The following MYO3B variants were observed in gnomAD, a reference collection of about 807,000 sequenced individuals.
The protein encoded by MYO3B is myosin-IIIb.
MYO3B carries 156 observed loss-of-function variants against 174.6 expected under a neutral mutation model. That is an observed-to-expected ratio of 0.89 (90% CI 0.78 to 1.02). MYO3B has a LOEUF of 1.02. Among genes scored for constraint, MYO3B ranks in the 50% least tolerant of loss-of-function variants. The pLI is 0.00. For missense variants in MYO3B, 1,632 were observed against 1,639.4 expected (o/e 1.00, Z 0.08); for synonymous variants, 563 against 569.1 (o/e 0.99, Z 0.15).
chr2:170,620,831 T>C (rs1695849971), intron 32 of MYO3B, among the ~76,000 whole-genome samples: 1 of 152,248 alleles, frequency 6.6e-6, no homozygotes, highest in African/African-American at 2.4e-5. Flanking sequence ...GAAGCGACTC[T>C]GTCCTCTGCA....
intron 32 of MYO3B, among the ~76,000 whole-genome samples, chr2:170,624,614 T>C (rs1261912342): frequency 6.6e-6 from 1 of 151,948 alleles, no homozygotes; most frequent in Admixed American, 6.6e-5. Context: ...TGGATAGGAG[T>C]GGTGAGAGAG....
At chr2:170,356,925 G>A (rs2094126280) in intron 8 of MYO3B, among the ~76,000 whole-genome samples, 1 of 151,962 alleles carries the variant, frequency 6.6e-6, no homozygotes, top group East Asian at 1.9e-4. Flanking sequence ...CCATAGGTAT[G>A]CACCACCACG....
chr2:170,341,931 G>A (rs548975531), intron 8 of MYO3B, among the ~76,000 whole-genome samples: 2 of 152,128 alleles, frequency 1.3e-5, no homozygotes, highest in Non-Finnish European at 2.9e-5. Flanking sequence ...TTCTCATAGT[G>A]TAAACCAGGA....
At chr2:170,368,122 G>T (rs10930423) in intron 8 of MYO3B, among the ~76,000 whole-genome samples, 63 of 152,214 alleles carry the variant, frequency 4.1e-4, no homozygotes, top group Admixed American at 7.2e-4. Flanking sequence ...CAAGAACTCT[G>T]CTTAAGTGTT....
At chr2:170,367,732 T>G (rs1260493595) in intron 8 of MYO3B, among the ~76,000 whole-genome samples, 2 of 152,196 alleles carry the variant, frequency 1.3e-5, no homozygotes, top group East Asian at 3.8e-4. Context: ...AAGGGAAGAT[T>G]GCTGATGTAA....
intron 1 of MYO3B, among the ~76,000 whole-genome samples, chr2:170,187,170 C>T (rs915626022): frequency 6.6e-6 from 1 of 151,822 alleles, no homozygotes; most frequent in Non-Finnish European, 1.5e-5. Flanking sequence ...CTGCTCTGAT[C>T]TTTATTATTT....
At chr2:170,618,126 T>C (rs1001345881) in intron 32 of MYO3B, among the ~76,000 whole-genome samples, 1 of 152,154 alleles carries the variant, frequency 6.6e-6, no homozygotes, top group African/African-American at 2.4e-5. Flanking sequence ...GGTGGATACC[T>C]AAAACCTAAA....
chr2:170,512,484 G>A (rs547644804), intron 28 of MYO3B, among the ~76,000 whole-genome samples: 2 of 152,200 alleles, frequency 1.3e-5, no homozygotes, highest in Non-Finnish European at 2.9e-5. Context: ...GCCAGATACA[G>A]TGGGTGCCCT....
At chr2:170,505,422 C>T (rs914515070) in intron 28 of MYO3B, among the ~76,000 whole-genome samples, 28 of 152,044 alleles carry the variant, frequency 1.8e-4, no homozygotes, top group African/African-American at 3.4e-4. Flanking sequence ...TGTTAAAATC[C>T]GAAAAAAATT....
chr2:170,404,791 C>G (rs983070878), intron 20 of MYO3B, among the ~76,000 whole-genome samples: 3 of 152,190 alleles, frequency 2.0e-5, no homozygotes, highest in Non-Finnish European at 4.4e-5. Context: ...TTTCCAGTCT[C>G]CTGACTTCCA....
At chr2:170,593,367 TGCTGGGGTTGCAG>T (rs1316810374) in intron 32 of MYO3B, among the ~76,000 whole-genome samples, 1 of 152,206 alleles carries the variant, frequency 6.6e-6, no homozygotes, top group Non-Finnish European at 1.5e-5. Flanking sequence ...CTTTCCAAAG[TGCTGGGGTTGCAG>T]GCATGAGCCA....
chr2:170,453,176 G>T (rs1683697250), intron 23 of MYO3B, among the ~76,000 whole-genome samples: 2 of 151,992 alleles, frequency 1.3e-5, no homozygotes, highest in African/African-American at 4.8e-5. Context: ...TGGTTTCAGG[G>T]GCCTGCAGCA....
intron 6 of MYO3B, among the ~76,000 whole-genome samples, chr2:170,219,876 T>C (rs372737884): frequency 6.6e-4 from 101 of 152,310 alleles, no homozygotes; most frequent in African/African-American, 2.4e-3. Context: ...CTAGAGCAAA[T>C]TGGTATTTTC....
chr2:170,529,006 T>C (rs981896221), intron 30 of MYO3B, among the ~76,000 whole-genome samples: 1 of 152,256 alleles, frequency 6.6e-6, no homozygotes, highest in African/African-American at 2.4e-5. Context: ...ATAAACTTCA[T>C]CTAAAACTGA....
At chr2:170,465,336 C>T (rs1480129627) in intron 24 of MYO3B, among the ~76,000 whole-genome samples, 1 of 152,048 alleles carries the variant, frequency 6.6e-6, no homozygotes, top group East Asian at 1.9e-4. Flanking sequence ...GGAGAGAGAA[C>T]AAGATAGAGG....
chr2:170,635,354 T>A (rs1255205381), intron 32 of MYO3B, among the ~76,000 whole-genome samples: 2 of 151,970 alleles, frequency 1.3e-5, no homozygotes, highest in Admixed American at 1.3e-4. Flanking sequence ...GAGCAAACTA[T>A]CTCAAGGACA....
chr2:170,637,247 C>T (rs1697584319), intron 32 of MYO3B, among the ~76,000 whole-genome samples: 1 of 148,792 alleles, frequency 6.7e-6, no homozygotes, highest in African/African-American at 2.5e-5. Flanking sequence ...TCTTGGCTCA[C>T]TGCAACCTCT....
intron 8 of MYO3B, among the ~76,000 whole-genome samples, chr2:170,345,598 T>C (rs2094009816): frequency 6.6e-6 from 1 of 152,104 alleles, no homozygotes. Flanking sequence ...GCCCAAAGCT[T>C]GAACCTTCAG....
At chr2:170,641,714 G>T (rs1320140638) in intron 32 of MYO3B, among the ~76,000 whole-genome samples, 1 of 152,096 alleles carries the variant, frequency 6.6e-6, no homozygotes, top group African/African-American at 2.4e-5. Context: ...GAGATTGGGT[G>T]TGGAAAAAAG....
Sources: allele counts gnomAD v4.1 joint callset (sites outside exome capture counted in the v4.1 genomes callset), GRCh38; gene constraint gnomAD v4.1.1; transcripts MANE v1.5; gene names NCBI Gene and HGNC (gene_info 2026-07-23, HGNC 2026-07-21).